The following ARMC9 variants were observed in gnomAD, a reference collection of about 807,000 sequenced individuals.
ARMC9 encodes the protein armadillo repeat containing 9, also known as lisH domain-containing protein ARMC9.
ARMC9 carries 94 observed loss-of-function variants against 107.0 expected under a neutral mutation model. That is an observed-to-expected ratio of 0.88 (90% CI 0.74 to 1.04). The LOEUF (loss-of-function observed/expected upper bound fraction) is 1.04. ARMC9 is among the 50% of genes least tolerant of loss of function. The pLI, the probability that ARMC9 is intolerant of heterozygous loss-of-function variation, is 0.00. For synonymous variants in ARMC9, 380 were observed against 396.9 expected (o/e 0.96, Z 0.51); for missense variants, 942 against 1,030.1 (o/e 0.91, Z 1.17).
At chr2:231,321,200 G>C (rs191466518) in intron 19 of ARMC9, among the ~76,000 whole-genome samples, 4 of 152,254 alleles carry the variant, frequency 2.6e-5, no homozygotes, top group African/African-American at 9.6e-5. Context: ...CCGCCCTTGC[G>C]ATCTAGAGAC....
At chr2:231,261,738 A>T (rs147824396) in intron 11 of ARMC9, among the ~76,000 whole-genome samples, 3 of 152,166 alleles carry the variant, frequency 2.0e-5, no homozygotes, top group African/African-American at 7.2e-5. Context: ...CTGCACACTT[A>T]CAGTCTGAGC....
At chr2:231,256,977 G>A (rs757749127) in intron 10 of ARMC9, among the ~76,000 whole-genome samples, 24 of 152,050 alleles carry the variant, frequency 1.6e-4, no homozygotes, top group Non-Finnish European at 2.8e-4. Flanking sequence ...CACCACGCCC[G>A]GCTAATTTTG....
At chr2:231,251,647 C>T (rs1411179663) in intron 9 of ARMC9, among the ~76,000 whole-genome samples, 1 of 152,210 alleles carries the variant, frequency 6.6e-6, no homozygotes, top group Non-Finnish European at 1.5e-5. Flanking sequence ...TAGCGCATAG[C>T]AGAGACCTGG....
Position 231,374,831 on chromosome 2 carries a change from G to A in ARMC9, c.*3296G>A, listed in dbSNP as rs915353677. 3 of 152,106 alleles carry A rather than the reference G, an allele frequency of 2.0e-5. No homozygotes were observed. Among genetic ancestry groups the A allele is most frequent in the African/African-American group, 7.2e-5 (3 of 41,396 alleles). The allele number at this position is 152,106 out of a possible 1,614,324, so 9.4% of individuals were successfully genotyped here. On this transcript the variant is annotated 3_prime_UTR_variant, in exon 25 of 25. Transcript: ENST00000611582. ...ATTACATTAAAATATTACATCATGTGTCTTCATTACTGAGTTTTGGGGTAG... is the reference window on the plus strand; with the variant it reads ...ATTACATTAAAATATTACATCATGTATCTTCATTACTGAGTTTTGGGGTAG...
intron 12 of ARMC9, chr2:231,270,511 C>A (rs1226423947): frequency 4.8e-6 from 2 of 415,582 alleles, no homozygotes; most frequent in Non-Finnish European, 9.9e-6. Flanking sequence ...CTTGAGCCTG[C>A]TAAGCCTCTT....
chr2:231,312,041 A>G (rs2042382587), intron 19 of ARMC9, among the ~76,000 whole-genome samples: 1 of 152,048 alleles, frequency 6.6e-6, no homozygotes, highest in Non-Finnish European at 1.5e-5. Flanking sequence ...ATGTTTGCTA[A>G]CCCCCAAAAA....
chr2:231,328,111 G>A (rs1299363094), intron 19 of ARMC9, among the ~76,000 whole-genome samples: 1 of 152,144 alleles, frequency 6.6e-6, no homozygotes, highest in Non-Finnish European at 1.5e-5. Flanking sequence ...TAGGCATGTA[G>A]TGATATCTCA....
chr2:231,259,244 A>G (rs1442720233), intron 11 of ARMC9, 142 bp downstream of exon 11: 5 of 715,210 alleles, frequency 7.0e-6, no homozygotes, highest in Non-Finnish European at 1.1e-5. Flanking sequence ...ACGGAAGTCA[A>G]AAGCCACTTC....
intron 21 of ARMC9, among the ~76,000 whole-genome samples, chr2:231,354,297 G>A (rs16827999): frequency 1.4e-5 from 2 of 140,308 alleles, no homozygotes; most frequent in Non-Finnish European, 3.0e-5. Flanking sequence ...GACTGATTGC[G>A]CACCTCGGGA....
At chr2:231,363,143 GCA>G (rs1488353798) in intron 23 of ARMC9, among the ~76,000 whole-genome samples, 1 of 152,236 alleles carries the variant, frequency 6.6e-6, no homozygotes, top group Non-Finnish European at 1.5e-5. Context: ...GCAGGAGTGT[GCA>G]CAGAGTGCCA....
rs367573359 is a variant in ARMC9, at chr2:231,247,651, C to G, written c.879+7610C>G. On this transcript the variant is annotated intron_variant, in intron 9 of 24. Coordinates refer to ENST00000611582, the MANE Select transcript of ARMC9 (RefSeq NM_001352754.2). Reference sequence around the variant, plus strand: ...TGAGAGGGTTTAACACCTTTGTAGGCCGGGTGCAGTGGCTCACGCCTGTAA... The same window carrying G: ...TGAGAGGGTTTAACACCTTTGTAGGGCGGGTGCAGTGGCTCACGCCTGTAA... 1.5e-4 allele frequency among the ~76,000 whole-genome samples: 23 copies of G among 152,296 alleles called. No individual in the cohort carries two copies. In the East Asian group the frequency reaches 1.7e-3, roughly 11 times the overall value.
chr2:231,212,044 C>G (rs2125316302), intron 3 of ARMC9, among the ~76,000 whole-genome samples: 1 of 152,224 alleles, frequency 6.6e-6, no homozygotes, highest in Middle Eastern at 3.4e-3. Flanking sequence ...ATATGTAGAA[C>G]TGAGGTTCAG....
chr2:231,288,267 A>G (rs886582078), intron 17 of ARMC9, among the ~76,000 whole-genome samples: 6 of 152,198 alleles, frequency 3.9e-5, no homozygotes, highest in African/African-American at 1.2e-4. Context: ...TATTATCAGT[A>G]TATTCTGAGT....
intron 11 of ARMC9, among the ~76,000 whole-genome samples, chr2:231,260,207 T>A (rs576930468): frequency 1.3e-5 from 2 of 152,324 alleles, no homozygotes; most frequent in African/African-American, 4.8e-5. Flanking sequence ...TCATATCTGC[T>A]TTGTGTTTGA....
At chr2:231,269,397 TC>T (rs2039116892) in intron 12 of ARMC9, among the ~76,000 whole-genome samples, 3 of 142,050 alleles carry the variant, frequency 2.1e-5, no homozygotes, top group Admixed American at 2.1e-4. Flanking sequence ...CTTTTCTTCT[TC>T]TTTTTTTTTT....
chr2:231,274,394 G>A (rs573541204), intron 14 of ARMC9, among the ~76,000 whole-genome samples: 8 of 152,214 alleles, frequency 5.3e-5, no homozygotes, highest in African/African-American at 1.7e-4. Context: ...GGGATTACAG[G>A]TGTGAGCCAC....
intron 19 of ARMC9, among the ~76,000 whole-genome samples, chr2:231,309,028 A>G (rs1398757896): frequency 6.6e-6 from 1 of 152,250 alleles, no homozygotes; most frequent in Non-Finnish European, 1.5e-5. Context: ...CCTTTCCATT[A>G]TTTAACCAAG....
chr2:231,225,723 G>C (rs1490927615), intron 6 of ARMC9, among the ~76,000 whole-genome samples: 1 of 152,220 alleles, frequency 6.6e-6, no homozygotes, highest in Non-Finnish European at 1.5e-5. Context: ...GGGGAGAGCA[G>C]GGAAAATGGG....
chr2:231,360,610 A>T lies in ARMC9; in HGVS notation c.2132-144A>T, dbSNP rs937193362. The T allele has an allele frequency of 9.1e-6, 12 of 1,318,754 alleles. No individual in the cohort carries two copies. In the African/African-American group the frequency reaches 1.5e-4, roughly 16 times the overall value. 81.7% of individuals were successfully genotyped at this position (1,318,754 alleles called of 1,614,324 possible). On this transcript the variant is annotated intron_variant, in intron 22 of 24. Coordinates refer to ENST00000611582, the MANE Select transcript of ARMC9 (RefSeq NM_001352754.2). The surrounding 1 kb of genome is among the most constrained non-coding windows in gnomAD (Gnocchi z 4.7). Reference sequence around the variant, plus strand: ...TCCCGGGCTGCACGAGTAAACAAGTATCCCAAGCCACAGGCGCCAGGGAGC... The same window carrying T: ...TCCCGGGCTGCACGAGTAAACAAGTTTCCCAAGCCACAGGCGCCAGGGAGC...
Sources: allele counts gnomAD v4.1 joint callset (sites outside exome capture counted in the v4.1 genomes callset), GRCh38; gene constraint gnomAD v4.1.1; non-coding constraint Gnocchi (gnomAD v3.1); transcripts MANE v1.5; gene names NCBI Gene and HGNC (gene_info 2026-07-23, HGNC 2026-07-21).